The following RPUSD4 variants were observed in gnomAD, a reference collection of about 807,000 sequenced individuals.
RPUSD4 encodes pseudouridylate synthase RPUSD4, mitochondrial.
Under a neutral mutation model 35.4 loss-of-function variants are expected in RPUSD4, and 37 were observed. That is an observed-to-expected ratio of 1.04 (90% CI 0.80 to 1.37). The LOEUF is 1.37. RPUSD4 is among the 40% of genes most tolerant of loss of function. The pLI is 0.00. For synonymous variants in RPUSD4, 210 were observed against 192.7 expected (o/e 1.09, Z -0.74); for missense variants, 507 against 484.9 (o/e 1.05, Z -0.43).
In RPUSD4 at chr11:126,204,642, T is replaced by C. The variant is rs1228076533; in HGVS notation, c.797-314A>G. Among the ~76,000 whole-genome samples, 4 of 152,348 alleles carry C rather than the reference T, an allele frequency of 2.6e-5. No homozygotes were observed. In the East Asian group the frequency reaches 5.8e-4, roughly 22 times the overall value. ...TTTAGTAATTTTACTACATAAGTAG[T>C]ATTGATTTGCACATTATTTGAATTG... On this transcript the variant is annotated intron_variant, in intron 5 of 6. Transcript: ENST00000298317.
chr11:126,207,874 A>G (rs1465686741), intron 3 of RPUSD4, among the ~76,000 whole-genome samples: 6 of 152,190 alleles, frequency 3.9e-5, no homozygotes, highest in Non-Finnish European at 8.8e-5. Flanking sequence ...TAAATAAAAA[A>G]AAATAATAAT....
rs771348847 is a variant in RPUSD4 at position 126,204,327 on chromosome 11, T to A, written c.798A>T (p.Gly266=). 1 of 1,608,218 alleles carries A rather than the reference T, an allele frequency of 6.2e-7. No individual in the cohort carries two copies. Among genetic ancestry groups the A allele is most frequent in the South Asian group, 1.1e-5 (1 of 90,748 alleles). ...SALVELQPIT[G]IKHQLRVHLS... ...AGTGAACTCGAAGCTGATGTTTTAT[T>A]CCTTAAAAGAGAGAGAGAGAGAAAG... Residue 266 remains glycine (G), a splice_region_variant and synonymous_variant, in exon 6 of 7, where the codon GGA becomes GGT. Transcript: ENST00000298317.
intron 3 of RPUSD4, 44 bp from the exon 4 acceptor site, chr11:126,205,825 A>T (rs779163045): frequency 2.7e-6 from 4 of 1,473,910 alleles, no homozygotes; most frequent in African/African-American, 1.4e-5. Context: ...CAAGCCAGAG[A>T]AGAACTCCTA....
chr11:126,207,414 AC>A lies in RPUSD4; in HGVS notation c.558-1634del, dbSNP rs530405580. Among the ~76,000 whole-genome samples the A allele has an allele frequency of 2.9e-3, 435 of 152,360 alleles. 4 individuals are homozygous for A. Among genetic ancestry groups the A allele is most frequent in the African/African-American group, 9.6e-3 (401 of 41,576 alleles). ...ACAACCACCACACTTACGAATGAGA[AC>A]TTCTGTGGGTAAGTCTCAATCATAC... On this transcript the variant is annotated intron_variant, in intron 3 of 6. Transcript: ENST00000298317.
At position 126,209,661 on chromosome 11, in the gene RPUSD4, A is replaced by G. The variant is rs1949819091; in HGVS notation, c.417T>C (p.His139=). Reference sequence around the variant, plus strand: ...GATGCAAGGGCTCTGCCTTGTGGCCATGAAGCATCTTTGCCAGGATAGGTA... The same window carrying G: ...GATGCAAGGGCTCTGCCTTGTGGCCGTGAAGCATCTTTGCCAGGATAGGTA... ...DVLPILAKML[H]GHKAEPLHLC... is the part of the protein sequence containing the mutation. Residue 139 remains histidine (H), a synonymous_variant, in exon 3 of 7, where the codon CAT becomes CAC. Coordinates refer to ENST00000298317, the MANE Select transcript of RPUSD4 (RefSeq NM_032795.3). 2 of 1,614,228 alleles carry G rather than the reference A, an allele frequency of 1.2e-6. No homozygotes were observed. Among genetic ancestry groups the G allele is most frequent in the African/African-American group, 2.7e-5 (2 of 75,064 alleles).
At chr11:126,206,033 A>G (rs971185572) in intron 3 of RPUSD4, 29 of 365,784 alleles carry the variant, frequency 7.9e-5, no homozygotes, top group Non-Finnish European at 1.3e-4. Flanking sequence ...AAAAAATTAC[A>G]TTAATAACAT....
intron 3 of RPUSD4, among the ~76,000 whole-genome samples, chr11:126,207,727 G>T (rs1392284583): frequency 2.6e-5 from 4 of 152,028 alleles, no homozygotes; most frequent in Non-Finnish European, 5.9e-5. Context: ...GCATGTGCCT[G>T]TAATTCCAGC....
chr11:126,211,565 G>A lies in RPUSD4; in HGVS notation c.74C>T (p.Thr25Ile), dbSNP rs201380353. The change falls in exon 1 of 7, where the codon ACT becomes ATT. Residue 25 changes from threonine (T) to isoleucine (I), a missense_variant. Physicochemically the swap from Thr to Ile is moderately conservative, Grantham distance 89. Transcript: ENST00000298317. Reference protein sequence around the residue: ...GNGQGCGSLFTLVSKPFCAAA... With the variant: ...GNGQGCGSLFILVSKPFCAAA... The stretch of plus-strand genomic sequence containing the variant: ...GGCACAAAATGGCTTTGAGACGAGA[G>A]TGAAGAGACTCCCGCAACCTTGGCC... 1.2e-6 allele frequency: 2 copies of A among 1,614,242 alleles called. No homozygotes were observed. Among genetic ancestry groups the A allele is most frequent in the East Asian group, 2.2e-5 (1 of 44,872 alleles).
intron 6 of RPUSD4, 23 bp from the exon 7 acceptor site, chr11:126,203,680 C>G (rs1949738617): frequency 6.3e-7 from 1 of 1,598,890 alleles, no homozygotes; most frequent in Non-Finnish European, 8.5e-7. Flanking sequence ...AGGACAGACC[C>G]TTGAGAGCAA....
chr11:126,207,794 G>T (rs566833698), intron 3 of RPUSD4, among the ~76,000 whole-genome samples: 66 of 151,906 alleles, frequency 4.3e-4, no homozygotes, highest in Non-Finnish European at 6.8e-4. Context: ...AGCCAAGATT[G>T]TGCCACTGCC....
chr11:126,204,342 G>GAGAGAGAA lies in RPUSD4; in HGVS notation c.797-22_797-15dup, dbSNP rs750902776. 1 of 1,581,162 alleles carries GAGAGAGAA rather than the reference G, an allele frequency of 6.3e-7. No individual in the cohort carries two copies. Among genetic ancestry groups the GAGAGAGAA allele is most frequent in the Admixed American group, 1.7e-5 (1 of 57,180 alleles). On this transcript the variant is annotated splice_polypyrimidine_tract_variant and intron_variant, in intron 5 of 6. Transcript: ENST00000298317. ...GATGTTTTATTCCTTAAAAGAGAGA[G>GAGAGAGAA]AGAGAGAAAGAGAGAAAACTCGTGA...
chr11:126,210,638 C>A (rs1949844608), intron 2 of RPUSD4, among the ~76,000 whole-genome samples: 1 of 151,992 alleles, frequency 6.6e-6, no homozygotes, highest in South Asian at 2.1e-4. Flanking sequence ...TTGTATATCT[C>A]TACAGCGATC....
At chr11:126,211,237 T>A (rs1949861771) in intron 1 of RPUSD4, 182 bp from the exon 2 acceptor site, 1 of 916,870 alleles carries the variant, frequency 1.1e-6, no homozygotes, top group Non-Finnish European at 1.7e-6. Context: ...GACGCAGTGG[T>A]TAGGACTGAG....
intron 3 of RPUSD4, chr11:126,206,111 T>G (rs1483011015): frequency 5.4e-6 from 1 of 185,338 alleles, no homozygotes; most frequent in Non-Finnish European, 1.1e-5. Context: ...AGTTTTGTAT[T>G]TTTTTTCAAA....
chr11:126,202,380 G>A lies in RPUSD4; in HGVS notation c.*1038C>T, dbSNP rs1949722790. 1 of 152,218 alleles carries A rather than the reference G, an allele frequency of 6.6e-6. No homozygotes were observed. The highest frequency in any genetic ancestry group is 1.5e-5 in the Non-Finnish European group (1 of 68,048). 9.4% of individuals were successfully genotyped at this position (152,218 alleles called of 1,614,324 possible). On this transcript the variant is annotated 3_prime_UTR_variant, in exon 7 of 7. Transcript: ENST00000298317. ...TTCAGTATAGCCCTCTCCTTCCTGA[G>A]ACCTAAGAACAGAAGATACGCTTCC...
At position 126,203,255 on chromosome 11, in the gene RPUSD4, C is replaced by T; in HGVS notation, c.*163G>A. 1 of 1,021,034 alleles carries T rather than the reference C, an allele frequency of 9.8e-7. No individual in the cohort carries two copies. The highest frequency in any genetic ancestry group is 1.4e-6 in the Non-Finnish European group (1 of 702,228). The allele number at this position is 1,021,034 out of a possible 1,614,324, so 63.2% of individuals were successfully genotyped here. On this transcript the variant is annotated 3_prime_UTR_variant, in exon 7 of 7. Transcript: ENST00000298317. ...TAAAAGCCCTGTAGCAGCTGAGTTG[C>T]TTTACCTTATCCCACCTGGCTCTTA... is the stretch of plus-strand genomic sequence containing the variant.
intron 6 of RPUSD4, 142 bp from the exon 7 acceptor site, chr11:126,203,799 C>T: frequency 9.1e-7 from 1 of 1,100,478 alleles, no homozygotes; most frequent in Non-Finnish European, 1.3e-6. Flanking sequence ...GCTTCAGTGG[C>T]ATGTCTAAGA....
In RPUSD4 at chr11:126,211,547, A is replaced by G; in HGVS notation, c.92T>C (p.Phe31Ser). Residue 31 changes from phenylalanine (F) to serine (S), a missense_variant, in exon 1 of 7, where the codon TTT becomes TCT. By Grantham distance (155) the Phe-to-Ser change is radical. Transcript: ENST00000298317. ...GSLFTLVSKP[F>S]CAAAAASTAI... is the part of the protein sequence containing the mutation. ...CGTAGAGGCAGCGGCAGCGGCACAA[A>G]ATGGCTTTGAGACGAGAGTGAAGAG... The G allele has an allele frequency of 6.2e-7, 1 of 1,614,184 alleles. No individual in the cohort carries two copies. The highest frequency in any genetic ancestry group is 8.5e-7 in the Non-Finnish European group (1 of 1,180,032).
In RPUSD4 at chr11:126,211,508, T is replaced by C. The variant is rs2282580; in HGVS notation, c.131A>G (p.Gln44Arg). The change falls in exon 1 of 7, where the codon CAG (glutamine) becomes CGG (arginine). Residue 44 changes from glutamine to arginine, a missense_variant. Transcript: ENST00000298317. ...AAAASTAINA[Q>R]RLAEKLRAQK... ...GGCTCGGAGCTTCTCCGCTAATCTC[T>C]GGGCATTTATGGCCGTAGAGGCAGC... The C allele has an allele frequency of 0.35, 562,395 of 1,613,894 alleles. 108,499 individuals are homozygous for C. The highest frequency in any genetic ancestry group is 0.83 in the East Asian group (37,114 of 44,844).
Sources: allele counts gnomAD v4.1 joint callset (sites outside exome capture counted in the v4.1 genomes callset), GRCh38; gene constraint gnomAD v4.1.1; transcripts MANE v1.5; gene names NCBI Gene and HGNC (gene_info 2026-07-23, HGNC 2026-07-21).